OAS2: variants seen among roughly 807,000 people sequenced by gnomAD.
OAS2 encodes 2'-5'-oligoadenylate synthetase 2.
Under a neutral mutation model 71.3 loss-of-function variants are expected in OAS2, and 67 were observed. The ratio of observed to expected loss-of-function variants is 0.94; its 90% confidence interval spans 0.77 to 1.15. OAS2 has a LOEUF of 1.15. Ranked by LOEUF, OAS2 falls within the 50% of genes most tolerant of loss-of-function variation. The pLI is 0.00. For missense variants in OAS2, 789 were observed against 822.5 expected (o/e 0.96, Z 0.50); for synonymous variants, 327 against 321.8 (o/e 1.02, Z -0.17).
Position 113,004,945 on chromosome 12 carries a change from C to A in OAS2, c.1191C>A (p.Thr397=). ...AKIQIVRGGS[T]AKGTALKTGS... ...CCTTTCTTCCTTAGGGAGGATCAAC[C>A]GCCAAAGGCACAGCTCTGAAGACTG... The change falls in exon 7 of 10, where the codon ACC becomes ACA. Residue 397 remains threonine, a synonymous_variant. Coordinates refer to ENST00000392583, the MANE Select transcript of OAS2 (RefSeq NM_002535.3). 1 of 1,613,808 alleles carries A rather than the reference C, an allele frequency of 6.2e-7. No individual in the cohort carries two copies. Among genetic ancestry groups the A allele is most frequent in the Non-Finnish European group, 8.5e-7 (1 of 1,179,810 alleles).
At position 113,005,033 on chromosome 12, in the gene OAS2, G is replaced by C; in HGVS notation, c.1279G>C (p.Glu427Gln). The C allele has an allele frequency of 6.2e-7, 1 of 1,614,122 alleles. No homozygotes were observed. Among genetic ancestry groups the C allele is most frequent in the South Asian group, 1.1e-5 (1 of 91,078 alleles). The change falls in exon 7 of 10, where the codon GAG becomes CAG. Residue 427 changes from glutamate to glutamine, a missense_variant. Physicochemically the swap from Glu to Gln is conservative, Grantham distance 29. Transcript: ENST00000392583. The part of the protein sequence containing the change: ...SLKSYTSQKN[E>Q]RHKIVKEIHE... Reference sequence around the variant, plus strand: ...TAAAAGCTACACCTCCCAAAAAAACGAGCGGCACAAAATCGTCAAGGAAAT... The same window carrying C: ...TAAAAGCTACACCTCCCAAAAAAACCAGCGGCACAAAATCGTCAAGGAAAT...
Position 113,010,404 on chromosome 12 carries a change from A to C in OAS2, c.*1149A>C, listed in dbSNP as rs1457146943. ...GCAGACACCAGGAAGTTGTGGAGCT[A>C]GGATCCATCCTATTGTCAATGAGAT... On this transcript the variant is annotated 3_prime_UTR_variant, in exon 10 of 10. Coordinates refer to ENST00000392583, the MANE Select transcript of OAS2 (RefSeq NM_002535.3). The C allele has an allele frequency of 1.9e-6, 3 of 1,613,866 alleles. No homozygotes were observed. The African/African-American group carries it at 4.0e-5, about 22-fold the overall frequency.
intron 2 of OAS2, among the ~76,000 whole-genome samples, chr12:112,992,841 G>A (rs1015904293): frequency 1.3e-5 from 2 of 152,134 alleles, no homozygotes; most frequent in Non-Finnish European, 2.9e-5. Context: ...ACAAGGGCTG[G>A]AGTCAAGGAG....
At chr12:112,979,124 T>C (rs1174476463) in intron 1 of OAS2, among the ~76,000 whole-genome samples, 1 of 152,244 alleles carries the variant, frequency 6.6e-6, no homozygotes, top group Admixed American at 6.5e-5. Context: ...GATTTTCTTC[T>C]ATCCTCTCCA....
Position 112,987,281 on chromosome 12 carries a change from G to A in OAS2, c.421G>A (p.Glu141Lys), listed in dbSNP as rs139641023. The change falls in exon 2 of 10, where the codon GAG becomes AAG. Residue 141 changes from glutamate to lysine, a missense_variant. By Grantham distance (56) the Glu-to-Lys change is moderately conservative. Transcript: ENST00000392583. ...CACAAAAAATCAGAGAATCTCTTTCGAGGTGCTGGCCGCCTTCAACGCTCT... is the reference window on the plus strand; with the variant it reads ...CACAAAAAATCAGAGAATCTCTTTCAAGGTGCTGGCCGCCTTCAACGCTCT... ...VFTKNQRISF[E>K]VLAAFNALSL... 1.2e-5 allele frequency: 19 copies of A among 1,613,704 alleles called. No individual in the cohort carries two copies. The African/African-American group carries it at 1.6e-4, about 14-fold the overall frequency.
intron 2 of OAS2, among the ~76,000 whole-genome samples, chr12:112,991,744 T>A (rs1009847382): frequency 6.6e-6 from 1 of 152,198 alleles, no homozygotes; most frequent in East Asian, 1.9e-4. Flanking sequence ...GACTTTTCCC[T>A]TTAACCGAGT....
In OAS2 at chr12:113,009,134, G is replaced by C. The variant is rs1208561680; in HGVS notation, c.1943G>C (p.Gly648Ala). 6.2e-7 allele frequency: 1 copy of C among 1,613,984 alleles called. No homozygotes were observed. The highest frequency in any genetic ancestry group is 8.5e-7 in the Non-Finnish European group (1 of 1,179,996). Residue 648 changes from glycine to alanine, a missense_variant, in exon 10 of 10, where the codon GGG becomes GCG. Transcript: ENST00000392583. ...GAACCCACAGGTGACGTGGGTGGAGGGGACCGTTGGTGTTGGCATCTTCTG... is the reference window on the plus strand; with the variant it reads ...GAACCCACAGGTGACGTGGGTGGAGCGGACCGTTGGTGTTGGCATCTTCTG... ...PAEPTGDVGGGDRWCWHLLAK... is the reference protein window; with the variant it reads ...PAEPTGDVGGADRWCWHLLAK...
At position 113,009,067 on chromosome 12, in the gene OAS2, C is replaced by G; in HGVS notation, c.1896-20C>G. On this transcript the variant is annotated intron_variant, in intron 9 of 9. Transcript: ENST00000392583. ...CACTGGGATTTGGAATCTCCTAATG[C>G]CTTCTAACCTCTCATTCAGGCCTGT... The G allele has an allele frequency of 6.2e-7, 1 of 1,606,320 alleles. No individual in the cohort carries two copies. Among genetic ancestry groups the G allele is most frequent in the Non-Finnish European group, 8.5e-7 (1 of 1,177,618 alleles).
rs2072138 is a variant in OAS2, at chr12:112,987,088, C to T, written c.228C>T (p.Thr76=). Residue 76 remains threonine, a synonymous_variant, in exon 2 of 10, where the codon ACC becomes ACT. Transcript: ENST00000392583. The part of the protein sequence containing the change: ...KTVLRGNSDG[T]LVLFFSDLKQ... ...TCTTAAGAGGCAACTCCGATGGTAC[C>T]CTTGTCCTCTTCTTCAGTGACTTAA... The T allele has an allele frequency of 6.2e-7, 1 of 1,613,876 alleles. No individual in the cohort carries two copies. The highest frequency in any genetic ancestry group is 8.5e-7 in the Non-Finnish European group (1 of 1,179,930).
chr12:112,997,690 G>A lies in OAS2; in HGVS notation c.798G>A (p.Met266Ile). Reference sequence around the variant, plus strand: ...AGGAGAAGCTGTGTATCTATTGGATGGTCAACTACAACTTTGAAGATGAGA... The same window carrying A: ...AGGAGAAGCTGTGTATCTATTGGATAGTCAACTACAACTTTGAAGATGAGA... ...KCQEKLCIYW[M>I]VNYNFEDETI... Residue 266 changes from methionine to isoleucine, a missense_variant, in exon 4 of 10, where the codon ATG becomes ATA. Coordinates refer to ENST00000392583, the MANE Select transcript of OAS2 (RefSeq NM_002535.3). The A allele has an allele frequency of 6.2e-7, 1 of 1,613,488 alleles. No individual in the cohort carries two copies. Among genetic ancestry groups the A allele is most frequent in the Non-Finnish European group, 8.5e-7 (1 of 1,179,708 alleles).
chr12:112,996,622 C>T (rs532959270), intron 3 of OAS2, among the ~76,000 whole-genome samples: 1 of 152,044 alleles, frequency 6.6e-6, no homozygotes, highest in South Asian at 2.1e-4. Context: ...TTGGGCAGCT[C>T]ATGTTTAAGA....
intron 7 of OAS2, among the ~76,000 whole-genome samples, chr12:113,005,816 A>G (rs2044327066): frequency 6.7e-6 from 1 of 149,596 alleles, no homozygotes; most frequent in African/African-American, 2.5e-5. Flanking sequence ...GCTTGAGCCC[A>G]GGAGATGGAG....
At chr12:113,003,158 G>A (rs2044304810) in intron 6 of OAS2, 56 bp downstream of exon 6, 5 of 1,568,880 alleles carry the variant, frequency 3.2e-6, no homozygotes, top group Non-Finnish European at 3.5e-6. Context: ...GGGCATTCCT[G>A]GAAGGGAGGT....
chr12:112,993,962 T>TG lies in OAS2; in HGVS notation c.449-1325dup, dbSNP rs60033508. Among the ~76,000 whole-genome samples the TG allele has an allele frequency of 3.0e-4, 45 of 150,910 alleles. 1 individual carries two copies. The highest frequency in any genetic ancestry group is 3.4e-3 in the Middle Eastern group (1 of 294). ...TTCTATTTGTTTGGTTGTTTTTTTG[T>TG]GGGGGGGGGAGGGTTGTTTTGTTTT... On this transcript the variant is annotated intron_variant, in intron 2 of 9. Transcript: ENST00000392583.
In OAS2 at chr12:112,995,366, T is replaced by G. The variant is rs1329594942; in HGVS notation, c.519T>G (p.Ser173Arg). 6.2e-7 allele frequency: 1 copy of G among 1,614,152 alleles called. No individual in the cohort carries two copies. Among genetic ancestry groups the G allele is most frequent in the East Asian group, 2.2e-5 (1 of 44,888 alleles). ...GATCCTTGGATAAGACAAATGCCAG[T>G]CCTGGTGAGTTTGCAGTCTGCTTCA... is the stretch of plus-strand genomic sequence containing the variant. ...LKRSLDKTNA[S>R]PGEFAVCFTE... The change falls in exon 3 of 10, where the codon AGT (serine) becomes AGG (arginine). Residue 173 changes from serine (S) to arginine (R), a missense_variant. Coordinates refer to ENST00000392583, the MANE Select transcript of OAS2 (RefSeq NM_002535.3).
At position 113,009,226 on chromosome 12, in the gene OAS2, C is replaced by T. The variant is rs2044360094; in HGVS notation, c.2035C>T (p.Pro679Ser). The change falls in exon 10 of 10, where the codon CCT becomes TCT. Residue 679 changes from proline to serine, a missense_variant. By Grantham distance (74) the Pro-to-Ser change is moderately conservative. Coordinates refer to ENST00000392583, the MANE Select transcript of OAS2 (RefSeq NM_002535.3). ...FKDGTGNPIP[P>S]WKVPVKVI The stretch of plus-strand genomic sequence containing the variant: ...GGATGGGACTGGAAACCCAATACCA[C>T]CTTGGAAAGTGCCGGTAAAAGTCAT... 1 of 1,614,006 alleles carries T rather than the reference C, an allele frequency of 6.2e-7. No individual in the cohort carries two copies.
intron 4 of OAS2, among the ~76,000 whole-genome samples, chr12:112,997,988 ACTTCCC>A (rs1220099211): frequency 6.6e-6 from 1 of 152,190 alleles, no homozygotes; most frequent in African/African-American, 2.4e-5. Context: ...CTGGAGAGAC[ACTTCCC>A]CTTATAGAAG....
At chr12:112,997,777 A>G (rs1565994531) in intron 4 of OAS2, 22 bp downstream of exon 4, 2 of 1,504,396 alleles carry the variant, frequency 1.3e-6, no homozygotes, top group Admixed American at 2.0e-5. Flanking sequence ...CTCACACCCT[A>G]TCCCTGTACC....
In OAS2 at chr12:112,987,357, A is replaced by G. The variant is rs368890829; in HGVS notation, c.448+49A>G. The stretch of plus-strand genomic sequence containing the variant: ...GAGAAAAGCCAAAGAAGCGGGTGCC[A>G]GACAGCTCTGTGCAACCTCTAGGCC... On this transcript the variant is annotated intron_variant, in intron 2 of 9. Transcript: ENST00000392583. The G allele has an allele frequency of 3.5e-5, 56 of 1,608,546 alleles. No homozygotes were observed. The African/African-American group carries it at 6.8e-4, about 20-fold the overall frequency.
Sources: allele counts gnomAD v4.1 joint callset (sites outside exome capture counted in the v4.1 genomes callset), GRCh38; gene constraint gnomAD v4.1.1; transcripts MANE v1.5; gene names NCBI Gene and HGNC (gene_info 2026-07-23, HGNC 2026-07-21).